Variants in AMZ1 observed in about 807,000 individuals in gnomAD.
AMZ1 encodes the protein archaemetzincin-1.
In AMZ1, 39 loss-of-function variants were observed where a neutral mutation model predicts 29.9. That is an observed-to-expected ratio of 1.30 (90% CI 1.01 to 1.70). The LOEUF (loss-of-function observed/expected upper bound fraction) is 1.70, where lower values mean the gene tolerates loss of function less well. Among genes scored for constraint, AMZ1 ranks in the 40% most tolerant of loss-of-function variants. AMZ1 has a pLI of 0.00. For missense variants in AMZ1, 1,041 were observed against 680.6 expected (o/e 1.53, Z -5.89); for synonymous variants, 458 against 304.0 (o/e 1.51, Z -5.27).
At chr7:2,749,730 T>C (rs951113211) in intron 4 of AMZ1, among the ~76,000 whole-genome samples, 1 of 151,984 alleles carries the variant, frequency 6.6e-6, no homozygotes, top group Non-Finnish European at 1.5e-5. Flanking sequence ...CAAATGGAAA[T>C]TTTAGAACTA....
chr7:2,721,749 C>A (rs1562383360), downstream of AMZ1, among the ~76,000 whole-genome samples: 4 of 150,616 alleles, frequency 2.7e-5, no homozygotes, highest in South Asian at 2.1e-4. Flanking sequence ...CGGGTGGGTG[C>A]CACACTCAGG....
At chr7:2,710,526 C>CG (rs1238127609) in intron 6 of AMZ1, among the ~76,000 whole-genome samples, 12 of 152,168 alleles carry the variant, frequency 7.9e-5, no homozygotes, top group African/African-American at 2.9e-4. Context: ...GTGTGGTTCC[C>CG]GGACCGAGCC....
chr7:2,700,304 C>A lies in AMZ1; in HGVS notation c.-148C>A. On this transcript the variant is annotated 5_prime_UTR_variant, in exon 2 of 7. Transcript: ENST00000683327. ...CAGGCAGAGCTGGGCCTTAAGGGCC[C>A]TTGGACCAGTGTCTGTCTGCAGGGA... 1 of 924,460 alleles carries A rather than the reference C, an allele frequency of 1.1e-6. No individual in the cohort carries two copies. Among genetic ancestry groups the A allele is most frequent in the Non-Finnish European group, 1.6e-6 (1 of 630,156 alleles). 57.3% of individuals were successfully genotyped at this position (924,460 alleles called of 1,614,324 possible).
At chr7:2,747,833 A>T (rs544593543) in intron 4 of AMZ1, among the ~76,000 whole-genome samples, 6 of 152,356 alleles carry the variant, frequency 3.9e-5, no homozygotes, top group African/African-American at 1.2e-4. Flanking sequence ...TATAAAATCA[A>T]TGTACAAAAA....
intron 6 of AMZ1, 37 bp from the exon 7 acceptor site, chr7:2,712,293 G>A (rs1788831025): frequency 2.0e-6 from 3 of 1,518,358 alleles, no homozygotes; most frequent in Admixed American, 2.1e-5. Context: ...ACAAGGGCTG[G>A]CACGGAGCAA....
intron 4 of AMZ1, among the ~76,000 whole-genome samples, chr7:2,741,734 T>C (rs1043380950): frequency 2.0e-5 from 3 of 151,926 alleles, no homozygotes; most frequent in Non-Finnish European, 4.4e-5. Flanking sequence ...TGAGAGCAAG[T>C]TGTTTACCCC....
At chr7:2,705,150 T>C (rs1182674376) in intron 3 of AMZ1, among the ~76,000 whole-genome samples, 1 of 152,234 alleles carries the variant, frequency 6.6e-6, no homozygotes, top group Non-Finnish European at 1.5e-5. Context: ...TGGGCCGATG[T>C]TTTTCACCAT....
intron 4 of AMZ1, among the ~76,000 whole-genome samples, chr7:2,732,689 G>T (rs1789961855): frequency 6.6e-6 from 1 of 152,210 alleles, no homozygotes; most frequent in African/African-American, 2.4e-5. Context: ...ACCACCCACG[G>T]GGTGTGCAGG....
chr7:2,689,329 C>T (rs1432021085), intron 1 of AMZ1, among the ~76,000 whole-genome samples: 1 of 151,982 alleles, frequency 6.6e-6, no homozygotes, highest in Non-Finnish European at 1.5e-5. Context: ...GTTACTGGGC[C>T]AGTCTGGCGG....
intron 4 of AMZ1, among the ~76,000 whole-genome samples, chr7:2,744,007 A>G (rs1386633596): frequency 6.6e-6 from 1 of 152,172 alleles, no homozygotes; most frequent in Non-Finnish European, 1.5e-5. Context: ...TGATTAGGTA[A>G]ACAAAGCAGC....
intron 4 of AMZ1, among the ~76,000 whole-genome samples, chr7:2,737,284 T>TTTTTTTTTTTA (rs1790250225): frequency 1.6e-5 from 1 of 61,894 alleles, no homozygotes; most frequent in East Asian, 3.5e-4. Flanking sequence ...GTTTTTTTTT[T>TTTTTTTTTTTA]TTTTGTTTTT....
At chr7:2,696,469 G>T (rs977665667) in intron 1 of AMZ1, among the ~76,000 whole-genome samples, 9 of 150,394 alleles carry the variant, frequency 6.0e-5, no homozygotes, top group African/African-American at 1.9e-4. Flanking sequence ...ATGTTAGCCA[G>T]GATGGTCTCG....
rs1219102808 is a variant in AMZ1 at position 2,719,373 on chromosome 7, G to A, written c.*6495G>A. 2.0e-5 allele frequency among the ~76,000 whole-genome samples: 3 copies of A among 152,312 alleles called. No homozygotes were observed. The highest frequency in any genetic ancestry group is 7.2e-5 in the African/African-American group (3 of 41,572). The stretch of plus-strand genomic sequence containing the variant: ...GCCTAAAGAGGGCAAAGGCCCGCGC[G>A]CCTGGCAGAGCTCCCTCCTCTGCTC... On this transcript the variant is annotated 3_prime_UTR_variant, in exon 7 of 7. Coordinates refer to ENST00000683327, the MANE Select transcript of AMZ1 (RefSeq NM_001384743.1).
chr7:2,710,130 G>A (rs751058872), intron 6 of AMZ1, among the ~76,000 whole-genome samples: 4 of 152,200 alleles, frequency 2.6e-5, no homozygotes, highest in Admixed American at 6.5e-5. Flanking sequence ...CGGGTGGCAC[G>A]GTCTTCCCAG....
chr7:2,725,981 G>A (rs1336703506), intron 4 of AMZ1, among the ~76,000 whole-genome samples: 2 of 152,340 alleles, frequency 1.3e-5, no homozygotes, highest in Non-Finnish European at 1.5e-5. Flanking sequence ...AGGCTTCAAG[G>A]AAACACCAGG....
chr7:2,691,898 C>T (rs1337631015), intron 1 of AMZ1, among the ~76,000 whole-genome samples: 1 of 151,992 alleles, frequency 6.6e-6, no homozygotes, highest in Non-Finnish European at 1.5e-5. Flanking sequence ...ATCTGGAAGG[C>T]CCTGGGCTGC....
At chr7:2,705,266 C>T (rs929283264) in intron 3 of AMZ1, among the ~76,000 whole-genome samples, 2 of 152,192 alleles carry the variant, frequency 1.3e-5, no homozygotes, top group African/African-American at 4.8e-5. Flanking sequence ...CCGCATCCCT[C>T]CCAGGGCAGG....
chr7:2,725,935 C>A (rs937468012), intron 4 of AMZ1, among the ~76,000 whole-genome samples: 4 of 116,624 alleles, frequency 3.4e-5, no homozygotes, highest in African/African-American at 1.6e-4. Flanking sequence ...GTCCCCCCAC[C>A]GACTCTCAGG....
chr7:2,742,769 A>C (rs768560269), intron 4 of AMZ1, among the ~76,000 whole-genome samples: 2 of 152,222 alleles, frequency 1.3e-5, no homozygotes, highest in African/African-American at 4.8e-5. Context: ...ATTTATTCTC[A>C]GGTATGTAAT....
Sources: gnomAD v4.1 joint callset for allele counts (sites outside exome capture counted in the v4.1 genomes callset) on GRCh38, gnomAD v4.1.1 for gene constraint, MANE v1.5 for transcripts, NCBI Gene and HGNC (gene_info 2026-07-23, HGNC 2026-07-21) for gene names.